TSC2: variants seen among roughly 807,000 people sequenced by gnomAD.
TSC2 encodes the protein TSC complex subunit 2, also known as tuberin.
Under a neutral mutation model 202.2 loss-of-function variants are expected in TSC2, and 29 were observed. That is an observed-to-expected ratio of 0.14 (90% CI 0.11 to 0.20). The LOEUF (loss-of-function observed/expected upper bound fraction) is 0.20. Among genes scored for constraint, TSC2 ranks in the 10% least tolerant of loss-of-function variants. The pLI, the probability that TSC2 is intolerant of heterozygous loss-of-function variation, is 1.00. For missense variants in TSC2, 2,429 were observed against 2,420.0 expected (o/e 1.00, Z -0.08); for synonymous variants, 1,349 against 1,044.0 (o/e 1.29, Z -5.63).
intron 13 of TSC2, 170 bp downstream of exon 13, chr16:2,062,770 G>A (rs1207206746): frequency 1.8e-5 from 16 of 912,100 alleles, no homozygotes; most frequent in South Asian, 1.2e-4. Context: ...AGTCCAGCAG[G>A]ACAGGTCCTC....
rs1006048197 is a variant in TSC2 at position 2,084,877 on chromosome 16, G to A, written c.4494-74G>A. ...GTGGAGTGGGAGATGGCCAGGCTCT[G>A]TGTTCCTCCCTGTGGGCTGTGGCTG... On this transcript the variant is annotated intron_variant, in intron 34 of 41. Coordinates refer to ENST00000219476, the MANE Select transcript of TSC2 (RefSeq NM_000548.5). 21 of 1,606,032 alleles carry A rather than the reference G, an allele frequency of 1.3e-5. No individual in the cohort carries two copies. The African/African-American group carries it at 2.0e-4, about 15-fold the overall frequency.
chr16:2,076,376 C>T (rs1013540413), intron 24 of TSC2, 115 bp from the exon 25 acceptor site: 15 of 1,580,000 alleles, frequency 9.5e-6, no homozygotes, highest in Admixed American at 1.7e-5. Flanking sequence ...CTGGGTGCCG[C>T]CGCCTTGCCC....
At chr16:2,068,516 AAT>A (rs1488866188) in intron 16 of TSC2, 3 of 152,174 alleles carry the variant, frequency 2.0e-5, no homozygotes, top group Non-Finnish European at 4.4e-5. Flanking sequence ...ACAGTCTATT[AAT>A]GTACAGCTCG....
chr16:2,062,933 G>C, intron 13 of TSC2, 39 bp from the exon 14 acceptor site: 1 of 1,543,556 alleles, frequency 6.5e-7, no homozygotes, highest in Non-Finnish European at 8.7e-7. Context: ...GCTGTGGCCG[G>C]GCACTCCCCA....
At chr16:2,083,943 C>T (rs982702432) in intron 33 of TSC2, 127 bp downstream of exon 33, 11 of 1,429,094 alleles carry the variant, frequency 7.7e-6, no homozygotes, top group African/African-American at 1.4e-5. Context: ...TCTTCCACAT[C>T]CCTCGTGCAC....
intron 9 of TSC2, 124 bp downstream of exon 9, chr16:2,057,302 A>G (rs954562108): frequency 8.7e-7 from 1 of 1,154,870 alleles, no homozygotes; most frequent in African/African-American, 1.5e-5. Context: ...GCTGTTCCAG[A>G]GGCTGCCACT....
intron 32 of TSC2, 59 bp from the exon 33 acceptor site, chr16:2,083,636 C>G (rs778619340): frequency 2.6e-6 from 4 of 1,551,162 alleles, no homozygotes; most frequent in Non-Finnish European, 8.7e-7. Context: ...TCGGAGGCCA[C>G]GTCAGGGCCA....
intron 17 of TSC2, 37 bp downstream of exon 17, chr16:2,070,615 G>T (rs773958843): frequency 6.2e-7 from 1 of 1,612,340 alleles, no homozygotes; most frequent in African/African-American, 1.3e-5. Flanking sequence ...GTTCCTGGGG[G>T]CCCAGCCAGG....
intron 7 of TSC2, 140 bp from the exon 8 acceptor site, chr16:2,056,504 T>A (rs1332460937): frequency 7.5e-7 from 1 of 1,342,086 alleles, no homozygotes. Flanking sequence ...CCGCTTGCCC[T>A]GTGGCTTGGA....
At position 2,060,673 on chromosome 16, in the gene TSC2, A is replaced by G. The variant is rs754596133; in HGVS notation, c.979A>G (p.Met327Val). ...GCTGGCCGGGCTCGTGTTCCAGGCC[A>G]TGGCATGTCCGAACGAGGTGGTGTC... ...TSVLPSFYQA[M>V]ACPNEVVSYE... Residue 327 changes from methionine to valine, a missense_variant, in exon 11 of 42, where the codon ATG becomes GTG. Transcript: ENST00000219476. 6.2e-7 allele frequency: 1 copy of G among 1,614,052 alleles called. No homozygotes were observed. The highest frequency in any genetic ancestry group is 8.5e-7 in the Non-Finnish European group (1 of 1,180,014).
chr16:2,048,496 A>T, intron 1 of TSC2, 91 bp from the exon 2 acceptor site: 1 of 1,518,740 alleles, frequency 6.6e-7, no homozygotes, highest in Non-Finnish European at 9.1e-7. Flanking sequence ...TGCCCACCAG[A>T]GACCCAGGGT....
At chr16:2,087,175 A>G (rs1423588536) in intron 38 of TSC2, 1 of 464,946 alleles carries the variant, frequency 2.2e-6, no homozygotes, top group African/African-American at 2.0e-5. Flanking sequence ...TTGGGCCCCC[A>G]CCATCTCCCC....
rs1168763677 is a variant in TSC2 at position 2,054,316 on chromosome 16, C to G, written c.357C>G (p.Leu119=). Residue 119 remains leucine (L), a synonymous_variant, in exon 5 of 42, where the codon CTC becomes CTG. Transcript: ENST00000219476. ...TTTAGGGCGAGCGTTTGGGGGTCCTCAGAGCCCTCTTCTTTAAGGTCATCA... is the reference window on the plus strand; with the variant it reads ...TTTAGGGCGAGCGTTTGGGGGTCCTGAGAGCCCTCTTCTTTAAGGTCATCA... ...VQGQGERLGV[L]RALFFKVIKD... 1.9e-6 allele frequency: 3 copies of G among 1,614,202 alleles called. No homozygotes were observed. The Admixed American group carries it at 5.0e-5, about 27-fold the overall frequency.
chr16:2,079,462 G>A lies in TSC2; in HGVS notation c.3284+34G>A, dbSNP rs2151442216. The A allele has an allele frequency of 1.2e-6, 2 of 1,611,970 alleles. No individual in the cohort carries two copies. The highest frequency in any genetic ancestry group is 1.7e-6 in the Non-Finnish European group (2 of 1,179,582). ...ACCTTCCTTTCCTCCGCGCCTGCCA[G>A]CCTCGACACCGGCTGTCCCGAGCCC... On this transcript the variant is annotated intron_variant, in intron 28 of 41. Coordinates refer to ENST00000219476, the MANE Select transcript of TSC2 (RefSeq NM_000548.5). The surrounding 1 kb of genome is among the most constrained non-coding windows in gnomAD (Gnocchi z 4.6).
At chr16:2,050,780 G>A (rs1235349431) in intron 3 of TSC2, among the ~76,000 whole-genome samples, 1 of 151,726 alleles carries the variant, frequency 6.6e-6, no homozygotes. Flanking sequence ...GTAGAGACGG[G>A]GTTTCGCCAT....
chr16:2,072,840 G>A lies in TSC2; in HGVS notation c.2221-9G>A. On this transcript the variant is annotated splice_polypyrimidine_tract_variant and intron_variant, in intron 20 of 41. Transcript: ENST00000219476. ...GGGGAGAGGTTTCATGCCTGGATTT[G>A]GTCATCAGCTTTCAGGCCCAAAGAC... The A allele has an allele frequency of 6.2e-7, 1 of 1,613,482 alleles. No individual in the cohort carries two copies. The highest frequency in any genetic ancestry group is 1.1e-5 in the South Asian group (1 of 91,070).
chr16:2,073,687 A>G (rs2088837660), intron 21 of TSC2, among the ~76,000 whole-genome samples: 1 of 152,218 alleles, frequency 6.6e-6, no homozygotes. Flanking sequence ...GCCTCAAAGC[A>G]TAGCCAGCCT....
intron 14 of TSC2, chr16:2,064,002 T>C: frequency 1.8e-6 from 1 of 544,720 alleles, no homozygotes; most frequent in Non-Finnish European, 3.3e-6. Flanking sequence ...TCACCTCGGC[T>C]GCTCCTTGTG....
In TSC2 at chr16:2,088,783, G is replaced by GGCCAT. The variant is rs2151649059; in HGVS notation, c.*177_*181dup. 1.1e-6 allele frequency: 1 copy of GGCCAT among 889,384 alleles called. No individual in the cohort carries two copies. Among genetic ancestry groups the GGCCAT allele is most frequent in the East Asian group, 2.7e-5 (1 of 37,468 alleles). 55.1% of individuals were successfully genotyped at this position (889,384 alleles called of 1,614,324 possible). On this transcript the variant is annotated 3_prime_UTR_variant, in exon 42 of 42. Coordinates refer to ENST00000219476, the MANE Select transcript of TSC2 (RefSeq NM_000548.5). ...GGGGGGGTGTCGAGGCTCTAGAAGC[G>GGCCAT]GCCATGCCCACAGAAGTGGTACACA...
Sources: allele counts gnomAD v4.1 joint callset (sites outside exome capture counted in the v4.1 genomes callset), GRCh38; gene constraint gnomAD v4.1.1; non-coding constraint Gnocchi (gnomAD v3.1); transcripts MANE v1.5; gene names NCBI Gene and HGNC (gene_info 2026-07-23, HGNC 2026-07-21).